The following LRRC4C variants were observed in gnomAD, a reference collection of about 807,000 sequenced individuals.
The protein encoded by LRRC4C is leucine rich repeat containing 4C, also known as leucine-rich repeat-containing protein 4C.
Under a neutral mutation model 33.6 loss-of-function variants are expected in LRRC4C, and 5 were observed. The ratio of observed to expected loss-of-function variants is 0.15; its 90% CI spans 0.08 to 0.31. LRRC4C has a LOEUF of 0.31. LRRC4C is among the 10% of genes least tolerant of loss of function. The probability of loss-of-function intolerance (pLI) is 1.00; values close to 1 mark genes in which losing one functional copy is unlikely to be tolerated. For synonymous variants in LRRC4C, 329 were observed against 302.0 expected (o/e 1.09, Z -0.93); for missense variants, 560 against 796.7 (o/e 0.70, Z 3.58).
chr11:41,171,146 A>C, intron 1 of LRRC4C, among the ~76,000 whole-genome samples: 2 of 151,982 alleles, frequency 1.3e-5, no homozygotes. Flanking sequence ...ACACTTTTAC[A>C]CTGTTGGTGG....
chr11:41,391,333 G>A (rs547213539), intron 1 of LRRC4C, among the ~76,000 whole-genome samples: 1 of 151,878 alleles, frequency 6.6e-6, no homozygotes, highest in Non-Finnish European at 1.5e-5. Flanking sequence ...AGTGGAGCAG[G>A]GGGGAGAAGA....
At chr11:40,165,353 G>A (rs1590589694) in intron 5 of LRRC4C, among the ~76,000 whole-genome samples, 1 of 152,210 alleles carries the variant, frequency 6.6e-6, no homozygotes, top group East Asian at 1.9e-4. Context: ...GAGTTTGTGT[G>A]TGCATCTATA....
Position 41,080,342 on chromosome 11 carries a change from C to CTTTTTTTTTT in LRRC4C, c.-495-146629_-495-146620dup, listed in dbSNP as rs71060997. On this transcript the variant is annotated intron_variant, in intron 1 of 6. Coordinates refer to ENST00000528697, the MANE Select transcript of LRRC4C (RefSeq NM_001258419.2). ...TTGACCCAAATGTCAGAGTCTCCTC[C>CTTTTTTTTTT]TTTTTTTTTTTTTTTTTTTTTTGTT... Among the ~76,000 whole-genome samples, 20 of 103,458 alleles carry CTTTTTTTTTT rather than the reference C, an allele frequency of 1.9e-4. 1 individual carries two copies. The highest frequency in any genetic ancestry group is 2.7e-4 in the Non-Finnish European group (15 of 56,060). The allele number at this position is 103,458 out of a possible 152,430, so 67.9% of individuals were successfully genotyped here.
At chr11:40,146,748 G>C (rs185625109) in intron 5 of LRRC4C, among the ~76,000 whole-genome samples, 75 of 152,178 alleles carry the variant, frequency 4.9e-4, no homozygotes, top group Non-Finnish European at 8.4e-4. Flanking sequence ...AATTGGACTA[G>C]GACATCCTCA....
chr11:40,401,334 G>T (rs910405408), intron 3 of LRRC4C, among the ~76,000 whole-genome samples: 1 of 151,828 alleles, frequency 6.6e-6, no homozygotes, highest in Non-Finnish European at 1.5e-5. Context: ...TACGGACAGG[G>T]CATTCACCTG....
At chr11:40,530,429 T>C (rs1197563807) in intron 3 of LRRC4C, among the ~76,000 whole-genome samples, 1 of 151,430 alleles carries the variant, frequency 6.6e-6, no homozygotes, top group African/African-American at 2.4e-5. Context: ...ACTAGCTACA[T>C]GCAAAGCCCA....
chr11:41,063,786 T>A (rs1330734016), intron 1 of LRRC4C, among the ~76,000 whole-genome samples: 1 of 152,202 alleles, frequency 6.6e-6, no homozygotes, highest in African/African-American at 2.4e-5. Flanking sequence ...CCAGTCTAGA[T>A]CTTTAGAGCA....
intron 1 of LRRC4C, among the ~76,000 whole-genome samples, chr11:40,993,238 T>C (rs1408239176): frequency 1.3e-5 from 2 of 152,194 alleles, no homozygotes; most frequent in South Asian, 4.1e-4. Context: ...TCTTTTGTTC[T>C]ACTTTCATTG....
At chr11:41,361,873 G>A (rs1378701031) in intron 1 of LRRC4C, among the ~76,000 whole-genome samples, 1 of 151,990 alleles carries the variant, frequency 6.6e-6, no homozygotes, top group African/African-American at 2.4e-5. Flanking sequence ...AATTCCTGGA[G>A]AGGAGATAAT....
intron 1 of LRRC4C, among the ~76,000 whole-genome samples, chr11:41,305,934 A>C (rs1346284898): frequency 1.3e-5 from 2 of 150,282 alleles, no homozygotes; most frequent in Non-Finnish European, 3.0e-5. Flanking sequence ...AATAAAATAA[A>C]ATAAATAAAT....
chr11:40,495,412 C>A (rs1954379854), intron 3 of LRRC4C, among the ~76,000 whole-genome samples: 1 of 152,110 alleles, frequency 6.6e-6, no homozygotes, highest in African/African-American at 2.4e-5. Flanking sequence ...CATATCCACA[C>A]AAATAACCTT....
At chr11:40,574,784 A>G (rs1958119550) in intron 3 of LRRC4C, among the ~76,000 whole-genome samples, 1 of 152,070 alleles carries the variant, frequency 6.6e-6, no homozygotes, top group Admixed American at 6.5e-5. Flanking sequence ...GCATACAGAC[A>G]CCTAGGTTTA....
chr11:40,875,320 G>A (rs1954834430), intron 2 of LRRC4C, among the ~76,000 whole-genome samples: 3 of 152,048 alleles, frequency 2.0e-5, no homozygotes, highest in African/African-American at 4.8e-5. Context: ...CTGATCTATT[G>A]GGAACATTGA....
chr11:41,123,316 A>G (rs1312518730), intron 1 of LRRC4C, among the ~76,000 whole-genome samples: 20 of 115,328 alleles, frequency 1.7e-4, no homozygotes, highest in Non-Finnish European at 2.3e-4. Context: ...TCTGTCGCCC[A>G]GGCTGGAGTG....
At chr11:40,893,610 C>G (rs1278767090) in intron 2 of LRRC4C, among the ~76,000 whole-genome samples, 1 of 151,924 alleles carries the variant, frequency 6.6e-6, no homozygotes, top group Non-Finnish European at 1.5e-5. Context: ...TTTCTCAGAA[C>G]TTAGATGATT....
At chr11:41,279,218 A>G (rs926301372) in intron 1 of LRRC4C, among the ~76,000 whole-genome samples, 3 of 152,100 alleles carry the variant, frequency 2.0e-5, no homozygotes, top group African/African-American at 7.2e-5. Context: ...ATTGATGGGC[A>G]TCTAGGTTGA....
chr11:41,287,440 C>CGTTTT (rs1201909876), intron 1 of LRRC4C, among the ~76,000 whole-genome samples: 3 of 151,870 alleles, frequency 2.0e-5, no homozygotes, highest in Non-Finnish European at 2.9e-5. Context: ...TTGTTTTTTG[C>CGTTTT]GTTTTGTTTT....
chr11:40,394,925 A>G (rs1486640825), intron 3 of LRRC4C, among the ~76,000 whole-genome samples: 1 of 152,130 alleles, frequency 6.6e-6, no homozygotes, highest in East Asian at 1.9e-4. Context: ...TGACGGCCTT[A>G]ATGGTAATAT....
At chr11:40,311,346 G>A (rs1023805968) in intron 4 of LRRC4C, among the ~76,000 whole-genome samples, 1 of 152,092 alleles carries the variant, frequency 6.6e-6, no homozygotes, top group Non-Finnish European at 1.5e-5. Context: ...ACAGAAGACA[G>A]CATTTATCCT....
Sources: allele counts gnomAD v4.1 joint callset (sites outside exome capture counted in the v4.1 genomes callset), GRCh38; gene constraint gnomAD v4.1.1; transcripts MANE v1.5; gene names NCBI Gene and HGNC (gene_info 2026-07-23, HGNC 2026-07-21).